Variants in ALCAM observed in about 807,000 individuals in gnomAD.
ALCAM encodes CD166 antigen.
A neutral mutation model predicts 70.9 loss-of-function variants in ALCAM; 30 were observed. The observed-to-expected ratio is 0.42, with a 90% CI of 0.32 to 0.57. ALCAM has a LOEUF of 0.57. ALCAM is among the 20% of genes least tolerant of loss of function. ALCAM has a pLI of 0.11. For synonymous variants in ALCAM, 249 were observed against 242.5 expected, an observed-to-expected ratio of 1.03 and a Z score of -0.25; for missense variants, 591 against 695.1, an observed-to-expected ratio of 0.85 and a Z score of 1.68.
intron 1 of ALCAM, among the ~76,000 whole-genome samples, chr3:105,496,931 A>C (rs2063194727): frequency 6.6e-6 from 1 of 151,902 alleles, no homozygotes; most frequent in South Asian, 2.1e-4. Flanking sequence ...TAATAAAATT[A>C]GTCCTCAAAT....
chr3:105,490,768 C>A (rs377086204), intron 1 of ALCAM, among the ~76,000 whole-genome samples: 1 of 152,308 alleles, frequency 6.6e-6, no homozygotes, highest in East Asian at 1.9e-4. Context: ...TAACCTTGGG[C>A]AACCCTTCCC....
chr3:105,392,476 G>A (rs1181526313), intron 1 of ALCAM, among the ~76,000 whole-genome samples: 1 of 150,146 alleles, frequency 6.7e-6, no homozygotes, highest in Non-Finnish European at 1.5e-5. Flanking sequence ...TTCTTTATTA[G>A]TCTAGCTAGC....
intron 1 of ALCAM, among the ~76,000 whole-genome samples, chr3:105,404,190 C>G (rs1429974710): frequency 6.6e-6 from 1 of 151,898 alleles, no homozygotes; most frequent in Non-Finnish European, 1.5e-5. Context: ...GGAAAACTTC[C>G]CTGGAATTGC....
At position 105,408,790 on chromosome 3, in the gene ALCAM, C is replaced by T. The variant is rs534996146; in HGVS notation, c.73+41309C>T. Among the ~76,000 whole-genome samples the T allele has an allele frequency of 4.4e-4, 67 of 152,186 alleles. 1 individual carries two copies. In the South Asian group the frequency reaches 0.014, roughly 32 times the overall value. ...CCCACTGAGTAGGAGAAACTCTTCA[C>T]AATCTGTACATCTGACAAAGGACTA... On this transcript the variant is annotated intron_variant, in intron 1 of 15. Transcript: ENST00000306107.
intron 9 of ALCAM, among the ~76,000 whole-genome samples, chr3:105,546,946 G>A (rs929822672): frequency 6.6e-5 from 10 of 151,370 alleles, no homozygotes; most frequent in Admixed American, 6.6e-4. Context: ...AAATGAAAGA[G>A]CGTGAAATAA....
At chr3:105,481,265 AACCAAAAACTGAG>A (rs1262016304) in intron 1 of ALCAM, among the ~76,000 whole-genome samples, 1 of 152,044 alleles carries the variant, frequency 6.6e-6, no homozygotes, top group Non-Finnish European at 1.5e-5. Flanking sequence ...TGTTTTCCCA[AACCAAAAACTGAG>A]TCCGTAACTA....
intron 1 of ALCAM, among the ~76,000 whole-genome samples, chr3:105,449,151 A>G (rs1937364782): frequency 6.6e-6 from 1 of 152,216 alleles, no homozygotes; most frequent in Non-Finnish European, 1.5e-5. Context: ...GATCCTTGGC[A>G]TTAATGATTC....
At chr3:105,511,184 A>G (rs1939225686) in intron 1 of ALCAM, among the ~76,000 whole-genome samples, 1 of 151,984 alleles carries the variant, frequency 6.6e-6, no homozygotes, top group African/African-American at 2.4e-5. Flanking sequence ...CTCTAAGTTC[A>G]TGCATTCCAG....
chr3:105,531,901 C>A (rs958717984), intron 3 of ALCAM, 101 bp from the exon 4 acceptor site: 5 of 941,100 alleles, frequency 5.3e-6, no homozygotes, highest in African/African-American at 1.6e-5. Context: ...GTTGCTTATT[C>A]TTCTGTATTG....
intron 14 of ALCAM, among the ~76,000 whole-genome samples, chr3:105,570,147 A>G (rs1382328443): frequency 1.3e-5 from 2 of 152,314 alleles, no homozygotes; most frequent in South Asian, 2.1e-4. Flanking sequence ...TCAAGAAAAT[A>G]CAATCAATAA....
intron 4 of ALCAM, among the ~76,000 whole-genome samples, chr3:105,533,378 C>T (rs967866484): frequency 6.6e-5 from 10 of 152,232 alleles, no homozygotes; most frequent in African/African-American, 1.9e-4. Flanking sequence ...ATCTATTGCA[C>T]ATTTAAAAAT....
chr3:105,504,314 A>G (rs1939004300), intron 1 of ALCAM, among the ~76,000 whole-genome samples: 1 of 152,164 alleles, frequency 6.6e-6, no homozygotes, highest in Non-Finnish European at 1.5e-5. Context: ...TAACCAGCTT[A>G]ATTAGACCTT....
chr3:105,447,962 T>C (rs999495572), intron 1 of ALCAM, among the ~76,000 whole-genome samples: 4 of 152,208 alleles, frequency 2.6e-5, no homozygotes, highest in Non-Finnish European at 5.9e-5. Flanking sequence ...GTTAATCTGA[T>C]TGTATTGTTT....
intron 1 of ALCAM, among the ~76,000 whole-genome samples, chr3:105,403,493 A>G (rs1936143849): frequency 1.3e-5 from 2 of 152,072 alleles, no homozygotes; most frequent in African/African-American, 4.8e-5. Context: ...AACAATCATG[A>G]CGGTTTGGCT....
At chr3:105,554,722 G>A (rs2152632636) in intron 14 of ALCAM, among the ~76,000 whole-genome samples, 1 of 152,070 alleles carries the variant, frequency 6.6e-6, no homozygotes, top group African/African-American at 2.4e-5. Flanking sequence ...CAGTTGCCCA[G>A]AGGCAACATC....
chr3:105,510,338 G>C (rs1462789087), intron 1 of ALCAM, among the ~76,000 whole-genome samples: 1 of 151,990 alleles, frequency 6.6e-6, no homozygotes. Flanking sequence ...AAACTTGCCT[G>C]TCTTAGTATA....
At chr3:105,509,827 T>C (rs1441849989) in intron 1 of ALCAM, among the ~76,000 whole-genome samples, 1 of 152,158 alleles carries the variant, frequency 6.6e-6, no homozygotes, top group Admixed American at 6.6e-5. Flanking sequence ...TTTTCCCCTA[T>C]GCATTCTTCT....
At chr3:105,559,571 C>A (rs1212739202) in intron 14 of ALCAM, among the ~76,000 whole-genome samples, 1 of 151,936 alleles carries the variant, frequency 6.6e-6, no homozygotes, top group Non-Finnish European at 1.5e-5. Flanking sequence ...CGTAAGGGCT[C>A]CACCTTTACA....
chr3:105,384,251 G>C (rs1463698328), intron 1 of ALCAM, among the ~76,000 whole-genome samples: 1 of 151,422 alleles, frequency 6.6e-6, no homozygotes, highest in Non-Finnish European at 1.5e-5. Context: ...ATATCATTTT[G>C]AGAAATAAGT....
Sources: allele counts gnomAD v4.1 joint callset (sites outside exome capture counted in the v4.1 genomes callset), GRCh38; gene constraint gnomAD v4.1.1; transcripts MANE v1.5; gene names NCBI Gene and HGNC (gene_info 2026-07-23, HGNC 2026-07-21).